The following EYS variants were observed in gnomAD, a reference collection of about 807,000 sequenced individuals.
EYS encodes protein eyes shut homolog.
Under a neutral mutation model 282.1 loss-of-function variants are expected in EYS, and 250 were observed. The observed-to-expected ratio is 0.89, with a 90% CI of 0.80 to 0.98. The LOEUF is 0.98. EYS is among the 50% of genes least tolerant of loss of function. EYS has a pLI of 0.00. For synonymous variants in EYS, 1,355 were observed against 1,282.9 expected (o/e 1.06, Z -1.20); for missense variants, 4,016 against 3,709.0 (o/e 1.08, Z -2.15).
At chr6:63,733,077 C>T (rs942155315) in intron 41 of EYS, among the ~76,000 whole-genome samples, 1 of 151,776 alleles carries the variant, frequency 6.6e-6, no homozygotes, top group Non-Finnish European at 1.5e-5. Flanking sequence ...GAATAATGAA[C>T]CCTGGGGTGA....
chr6:64,319,764 C>A (rs1408551365), intron 29 of EYS, among the ~76,000 whole-genome samples: 1 of 151,808 alleles, frequency 6.6e-6, no homozygotes, highest in East Asian at 1.9e-4. Context: ...GGAAGACAGA[C>A]ATTTCCCCTT....
intron 12 of EYS, among the ~76,000 whole-genome samples, chr6:65,074,620 G>C (rs1583459108): frequency 6.6e-6 from 1 of 152,038 alleles, no homozygotes; most frequent in East Asian, 1.9e-4. Context: ...CAGTGAGAAA[G>C]TGAGTGCGAA....
At chr6:63,878,994 C>A (rs1356542671) in intron 35 of EYS, among the ~76,000 whole-genome samples, 3 of 152,150 alleles carry the variant, frequency 2.0e-5, no homozygotes, top group South Asian at 4.1e-4. Flanking sequence ...GTGAGATGAA[C>A]CCGGTACTTC....
intron 26 of EYS, among the ~76,000 whole-genome samples, chr6:64,586,773 G>T (rs62415823): frequency 0.1 from 15,332 of 151,916 alleles, 926 homozygotes; most frequent in East Asian, 0.17. Context: ...AAATTTAGAA[G>T]TTACAACTAA....
rs1562026948 is a variant in EYS, at chr6:63,789,190, C to A, written c.7446G>T (p.Leu2482=). 1 of 1,551,766 alleles carries A rather than the reference C, an allele frequency of 6.4e-7. No individual in the cohort carries two copies. Among genetic ancestry groups the A allele is most frequent in the East Asian group, 2.4e-5 (1 of 40,936 alleles). ...AACTATAAACCACACTGCCATTGAGCAGGCCCACAGCCAGGAAGTCATCGC... is the reference window on the plus strand; with the variant it reads ...AACTATAAACCACACTGCCATTGAGAAGGCCCACAGCCAGGAAGTCATCGC... ...LNGDDFLAVG[L]LNGSVVYSYN... is the part of the protein sequence containing the mutation. Residue 2482 remains leucine, a synonymous_variant, in exon 38 of 43, where the codon CTG becomes CTT. Transcript: ENST00000503581.
intron 19 of EYS, among the ~76,000 whole-genome samples, chr6:64,840,221 G>A (rs1765520557): frequency 6.6e-6 from 1 of 151,960 alleles, no homozygotes; most frequent in South Asian, 2.1e-4. Flanking sequence ...AGATTATCAT[G>A]GTGTTTAAAA....
At chr6:64,671,696 C>T (rs1055395908) in intron 22 of EYS, among the ~76,000 whole-genome samples, 2 of 151,620 alleles carry the variant, frequency 1.3e-5, no homozygotes, top group East Asian at 3.9e-4. Flanking sequence ...AAACATTATC[C>T]TAAGGCTTCT....
chr6:64,709,915 C>A (rs1431354062), intron 22 of EYS, among the ~76,000 whole-genome samples: 1 of 152,088 alleles, frequency 6.6e-6, no homozygotes, highest in East Asian at 1.9e-4. Context: ...TCAGCTAAGT[C>A]TTGGAATCTA....
chr6:65,380,224 C>G (rs1765558916), intron 8 of EYS, among the ~76,000 whole-genome samples: 4 of 152,050 alleles, frequency 2.6e-5, no homozygotes, highest in Admixed American at 2.0e-4. Flanking sequence ...AACTATACTG[C>G]AAGGCTACAC....
chr6:65,033,861 T>TAGATCCACTG (rs1183645998), intron 13 of EYS, among the ~76,000 whole-genome samples: 2 of 152,072 alleles, frequency 1.3e-5, no homozygotes, highest in Non-Finnish European at 2.9e-5. Context: ...CCCAGAAAGG[T>TAGATCCACTG]AGATCCACTG....
At chr6:63,830,679 A>G (rs895337396) in intron 36 of EYS, among the ~76,000 whole-genome samples, 34 of 152,210 alleles carry the variant, frequency 2.2e-4, no homozygotes, top group Non-Finnish European at 4.0e-4. Flanking sequence ...CAACCTAGCA[A>G]GGCAGGCCAA....
At chr6:65,176,226 C>T (rs1353009304) in intron 12 of EYS, among the ~76,000 whole-genome samples, 1 of 151,402 alleles carries the variant, frequency 6.6e-6, no homozygotes, top group East Asian at 2.0e-4. Flanking sequence ...ATCCCTTGAC[C>T]AAGATCTTGC....
intron 15 of EYS, among the ~76,000 whole-genome samples, chr6:64,913,857 A>G (rs1021602136): frequency 1.2e-4 from 18 of 152,114 alleles, no homozygotes; most frequent in African/African-American, 4.1e-4. Flanking sequence ...GCTGAACTAA[A>G]TTCGTATTAA....
chr6:64,671,348 T>C (rs1356115736), intron 22 of EYS, among the ~76,000 whole-genome samples: 1 of 152,092 alleles, frequency 6.6e-6, no homozygotes, highest in Non-Finnish European at 1.5e-5. Flanking sequence ...AGCTGGCATG[T>C]TCTACCATGT....
At chr6:65,441,873 C>A (rs1384988472) in intron 5 of EYS, among the ~76,000 whole-genome samples, 2 of 151,992 alleles carry the variant, frequency 1.3e-5, no homozygotes, top group Non-Finnish European at 2.9e-5. Flanking sequence ...TCAGACATAT[C>A]AAGGAATGAC....
chr6:65,549,387 A>G (rs1043164228), intron 2 of EYS, among the ~76,000 whole-genome samples: 5 of 152,212 alleles, frequency 3.3e-5, no homozygotes, highest in Non-Finnish European at 7.3e-5. Context: ...GTTATGCTCT[A>G]TACCAGAATT....
chr6:64,201,285 T>A (rs2150322443), intron 31 of EYS, among the ~76,000 whole-genome samples: 1 of 152,260 alleles, frequency 6.6e-6, no homozygotes, highest in South Asian at 2.1e-4. Context: ...TATTGTATTA[T>A]AGAGACAGAA....
chr6:64,032,461 G>C (rs931943407), intron 33 of EYS, among the ~76,000 whole-genome samples: 1 of 152,130 alleles, frequency 6.6e-6, no homozygotes, highest in African/African-American at 2.4e-5. Flanking sequence ...CAAATGTGTG[G>C]GTTTTCTATA....
intron 15 of EYS, among the ~76,000 whole-genome samples, chr6:64,921,472 T>C (rs1434788147): frequency 6.6e-6 from 1 of 152,168 alleles, no homozygotes; most frequent in Non-Finnish European, 1.5e-5. Context: ...AAAATAATTA[T>C]TTTTTAAAAT....
Sources: allele counts gnomAD v4.1 joint callset (sites outside exome capture counted in the v4.1 genomes callset), GRCh38; gene constraint gnomAD v4.1.1; transcripts MANE v1.5; gene names NCBI Gene and HGNC (gene_info 2026-07-23, HGNC 2026-07-21).